RSRC1: variants seen among roughly 807,000 people sequenced by gnomAD.
RSRC1 encodes serine/Arginine-related protein 53.
In RSRC1, 39 loss-of-function variants were observed where a neutral mutation model predicts 49.1. The ratio of observed to expected loss-of-function variants is 0.79; its 90% CI spans 0.61 to 1.04. The LOEUF is 1.04. RSRC1 is among the 50% of genes least tolerant of loss of function. The probability of loss-of-function intolerance (pLI) is 0.00; values close to 1 mark genes in which losing one functional copy is unlikely to be tolerated. For synonymous variants in RSRC1, 143 were observed against 130.8 expected (o/e 1.09, Z -0.63); for missense variants, 388 against 402.4 (o/e 0.96, Z 0.31).
At chr3:158,362,880 A>T (rs1355999976) in intron 6 of RSRC1, among the ~76,000 whole-genome samples, 2 of 152,236 alleles carry the variant, frequency 1.3e-5, no homozygotes, top group African/African-American at 4.8e-5. Context: ...AGAAGACAAT[A>T]CCTGTAACAC....
At chr3:158,118,450 T>TGTGTGTGTGC (rs1553757293) in intron 1 of RSRC1, among the ~76,000 whole-genome samples, 32 of 138,008 alleles carry the variant, frequency 2.3e-4, no homozygotes, top group Admixed American at 8.1e-4. Flanking sequence ...TGTGTGTGTG[T>TGTGTGTGTGC]GTGTGTGTGT....
At position 158,414,594 on chromosome 3, in the gene RSRC1, C is replaced by T. The variant is rs187488517; in HGVS notation, c.584-46341C>T. Among the ~76,000 whole-genome samples the T allele has an allele frequency of 2.2e-4, 34 of 152,082 alleles. No individual in the cohort carries two copies. In the East Asian group the frequency reaches 6.4e-3, roughly 29 times the overall value. On this transcript the variant is annotated intron_variant, in intron 6 of 9. Coordinates refer to ENST00000611884, the MANE Select transcript of RSRC1 (RefSeq NM_001271838.2). ...TTTTAAAGCCAGGCCTGGTGGCACG[C>T]ACCTGTAGTCCCAGCCATTCAGGAG...
chr3:158,275,500 A>C (rs1725754635), intron 4 of RSRC1, among the ~76,000 whole-genome samples: 1 of 152,190 alleles, frequency 6.6e-6, no homozygotes, highest in Non-Finnish European at 1.5e-5. Flanking sequence ...GCACCAGACA[A>C]ATCTACAGAG....
At chr3:158,211,822 CA>C (rs1721695564) in intron 4 of RSRC1, among the ~76,000 whole-genome samples, 2 of 19,308 alleles carry the variant, frequency 1.0e-4, no homozygotes, top group Non-Finnish European at 2.2e-4. Flanking sequence ...AATAAATGGT[CA>C]TCATTTTATT....
intron 3 of RSRC1, among the ~76,000 whole-genome samples, chr3:158,132,514 T>C (rs1024403378): frequency 2.0e-5 from 3 of 152,226 alleles, no homozygotes. Flanking sequence ...TGTAGTACTC[T>C]TTATGTTATT....
chr3:158,222,096 AAG>A (rs1462473433), intron 4 of RSRC1, among the ~76,000 whole-genome samples: 1 of 145,280 alleles, frequency 6.9e-6, no homozygotes. Context: ...AAATAATAGT[AAG>A]AGGGGCAGTT....
At chr3:158,327,293 T>C (rs1729218017) in intron 5 of RSRC1, among the ~76,000 whole-genome samples, 1 of 152,250 alleles carries the variant, frequency 6.6e-6, no homozygotes, top group South Asian at 2.1e-4. Flanking sequence ...ATGTTTGCTC[T>C]TGCTTCTCTA....
intron 3 of RSRC1, among the ~76,000 whole-genome samples, chr3:158,157,216 CAT>C (rs1343740850): frequency 5.3e-5 from 8 of 152,146 alleles, no homozygotes; most frequent in Admixed American, 5.2e-4. Flanking sequence ...AGTAACAATA[CAT>C]GCCAATGATT....
At chr3:158,374,464 C>T (rs1365372409) in intron 6 of RSRC1, among the ~76,000 whole-genome samples, 6 of 152,122 alleles carry the variant, frequency 3.9e-5, no homozygotes, top group African/African-American at 9.7e-5. Context: ...AATTCATCCC[C>T]AGGCATTTAG....
intron 4 of RSRC1, among the ~76,000 whole-genome samples, chr3:158,280,523 T>C (rs1440908363): frequency 1.3e-5 from 2 of 151,850 alleles, no homozygotes; most frequent in African/African-American, 4.8e-5. Context: ...TAGTACTCAG[T>C]AATAGTTGTT....
intron 6 of RSRC1, among the ~76,000 whole-genome samples, chr3:158,407,604 G>A (rs551529523): frequency 6.6e-6 from 1 of 151,838 alleles, no homozygotes; most frequent in Non-Finnish European, 1.5e-5. Flanking sequence ...GTGTATCCTG[G>A]GATTCTTATT....
intron 6 of RSRC1, among the ~76,000 whole-genome samples, chr3:158,441,057 T>C (rs1380776170): frequency 6.6e-6 from 1 of 152,168 alleles, no homozygotes; most frequent in Non-Finnish European, 1.5e-5. Context: ...ATTCAGCTGC[T>C]TAACTTATAG....
In RSRC1 at chr3:158,167,491, A is replaced by G. The variant is rs562461836; in HGVS notation, c.321-35581A>G. ...CAGGCGTGAACCACTGTGCCCAGGTATGTTTTCTAAATCTAGCTTTAGGTG... is the reference window on the plus strand; with the variant it reads ...CAGGCGTGAACCACTGTGCCCAGGTGTGTTTTCTAAATCTAGCTTTAGGTG... On this transcript the variant is annotated intron_variant, in intron 3 of 9. Transcript: ENST00000611884. Among the ~76,000 whole-genome samples the G allele has an allele frequency of 3.9e-3, 595 of 152,248 alleles. 2 individuals carry two copies. Among genetic ancestry groups the G allele is most frequent in the Non-Finnish European group, 7.3e-3 (498 of 68,008 alleles).
At chr3:158,512,423 G>A (rs1203249197) in intron 7 of RSRC1, among the ~76,000 whole-genome samples, 1 of 150,088 alleles carries the variant, frequency 6.7e-6, no homozygotes, top group Admixed American at 6.6e-5. Flanking sequence ...TCAGATAGTT[G>A]TAGATATGCG....
At chr3:158,421,510 G>A (rs1417939877) in intron 6 of RSRC1, among the ~76,000 whole-genome samples, 1 of 151,770 alleles carries the variant, frequency 6.6e-6, no homozygotes, top group Non-Finnish European at 1.5e-5. Flanking sequence ...ATGGACTAGG[G>A]TAGTGGCAGT....
At chr3:158,432,130 C>T (rs751806335) in intron 6 of RSRC1, among the ~76,000 whole-genome samples, 6 of 151,918 alleles carry the variant, frequency 3.9e-5, no homozygotes, top group Non-Finnish European at 8.8e-5. Context: ...CCTTCTCTGC[C>T]TGCCACTAAT....
At chr3:158,328,384 C>T (rs577992621) in intron 5 of RSRC1, among the ~76,000 whole-genome samples, 2 of 152,054 alleles carry the variant, frequency 1.3e-5, no homozygotes, top group Non-Finnish European at 1.5e-5. Context: ...TAGTTTCTTT[C>T]CATGTTTAGT....
chr3:158,274,574 G>A (rs1851062), intron 4 of RSRC1, among the ~76,000 whole-genome samples: 34,196 of 151,882 alleles, frequency 0.23, 4,323 homozygotes, highest in Non-Finnish European at 0.29. Flanking sequence ...GGAGAAAATC[G>A]GTTCAGAGAA....
At chr3:158,135,545 G>A (rs1716320447) in intron 3 of RSRC1, among the ~76,000 whole-genome samples, 1 of 151,700 alleles carries the variant, frequency 6.6e-6, no homozygotes, top group Admixed American at 6.6e-5. Context: ...CTCCCAAAGT[G>A]CTGGGATTAT....
Sources: gnomAD v4.1 joint callset for allele counts (sites outside exome capture counted in the v4.1 genomes callset) on GRCh38, gnomAD v4.1.1 for gene constraint, MANE v1.5 for transcripts, NCBI Gene and HGNC (gene_info 2026-07-23, HGNC 2026-07-21) for gene names.